HS6ST3: variants seen among roughly 807,000 people sequenced by gnomAD.
The protein encoded by HS6ST3 is heparan-sulfate 6-O-sulfotransferase 3.
HS6ST3 carries 12 observed loss-of-function variants against 36.7 expected under a neutral mutation model. That is an observed-to-expected ratio of 0.33 (90% CI 0.21 to 0.53). HS6ST3 has a LOEUF of 0.53. Among genes scored for constraint, HS6ST3 ranks in the 20% least tolerant of loss-of-function variants. HS6ST3 has a pLI of 0.95. For synonymous variants in HS6ST3, 240 were observed against 257.5 expected (o/e 0.93, Z 0.65); for missense variants, 584 against 640.9 (o/e 0.91, Z 0.96).
At chr13:96,738,590 T>G (rs1876348182) in intron 1 of HS6ST3, among the ~76,000 whole-genome samples, 1 of 152,078 alleles carries the variant, frequency 6.6e-6, no homozygotes, top group Admixed American at 6.6e-5. Flanking sequence ...AGCAGAACAT[T>G]TTTTCCTTTT....
At chr13:96,108,988 T>TCTATCTCTATCTCTATCC (rs1566883837) in intron 1 of HS6ST3, among the ~76,000 whole-genome samples, 1 of 152,098 alleles carries the variant, frequency 6.6e-6, no homozygotes, top group Non-Finnish European at 1.5e-5. Context: ...TATCTCTATC[T>TCTATCTCTATCTCTATCC]CTATCTCTAT....
intron 1 of HS6ST3, among the ~76,000 whole-genome samples, chr13:96,216,804 C>T (rs998881348): frequency 1.3e-5 from 2 of 152,130 alleles, no homozygotes; most frequent in Non-Finnish European, 2.9e-5. Flanking sequence ...CCACCATTTC[C>T]TATTTTCATT....
At chr13:96,204,599 A>G (rs1054543190) in intron 1 of HS6ST3, among the ~76,000 whole-genome samples, 2 of 152,214 alleles carry the variant, frequency 1.3e-5, no homozygotes, top group Non-Finnish European at 2.9e-5. Flanking sequence ...AATCGGAAAT[A>G]AAACACTCCT....
chr13:96,797,596 T>A (rs1454167641), intron 1 of HS6ST3, among the ~76,000 whole-genome samples: 1 of 152,076 alleles, frequency 6.6e-6, no homozygotes, highest in East Asian at 1.9e-4. Flanking sequence ...GGAAATCTAT[T>A]TGAGAATGAG....
rs1378399011 is a variant in HS6ST3 at position 96,417,588 on chromosome 13, A to ATGTGTG, written c.707+326020_707+326021insGTGTGT. On this transcript the variant is annotated intron_variant, in intron 1 of 1. Transcript: ENST00000376705. ...CATGGTGAAAAAAAATAGCATATAT[A>ATGTGTG]TATGTGTGTGTGTGTGTGTGTGTGT... 3.8e-3 allele frequency among the ~76,000 whole-genome samples: 301 copies of ATGTGTG among 80,004 alleles called. 2 individuals carry two copies. Among genetic ancestry groups the ATGTGTG allele is most frequent in the African/African-American group, 0.013 (264 of 20,732 alleles). The allele number at this position is 80,004 out of a possible 152,430, so 52.5% of individuals were successfully genotyped here. A position where few individuals can be genotyped will look rare whatever the true frequency, so the allele number is the denominator to read the frequency against.
intron 1 of HS6ST3, among the ~76,000 whole-genome samples, chr13:96,294,101 A>G (rs551473125): frequency 6.6e-6 from 1 of 152,036 alleles, no homozygotes; most frequent in Non-Finnish European, 1.5e-5. Flanking sequence ...TGTTATTGGC[A>G]TTTTTTCTTC....
At chr13:96,191,420 GTC>G (rs2054288035) in intron 1 of HS6ST3, among the ~76,000 whole-genome samples, 1 of 152,162 alleles carries the variant, frequency 6.6e-6, no homozygotes, top group South Asian at 2.1e-4. Flanking sequence ...ATGTATCACA[GTC>G]TCTCTCACTT....
intron 1 of HS6ST3, among the ~76,000 whole-genome samples, chr13:96,559,956 A>G (rs1035713387): frequency 6.6e-6 from 1 of 152,168 alleles, no homozygotes; most frequent in South Asian, 2.1e-4. Context: ...ATGACCATTC[A>G]TACAACTATA....
Position 96,658,268 on chromosome 13 carries a change from C to CTTTTTTTTTTTTTTTTTTTTTTTTTT in HS6ST3, c.708-174217_708-174192dup, listed in dbSNP as rs71213623. Among the ~76,000 whole-genome samples, 42 of 76,174 alleles carry CTTTTTTTTTTTTTTTTTTTTTTTTTT rather than the reference C, an allele frequency of 5.5e-4. 4 individuals are homozygous for CTTTTTTTTTTTTTTTTTTTTTTTTTT. The highest frequency in any genetic ancestry group is 1.7e-3 in the African/African-American group (32 of 18,518). 50.0% of individuals were successfully genotyped at this position (76,174 alleles called of 152,430 possible). A position where few individuals can be genotyped will look rare whatever the true frequency, so the allele number is the denominator to read the frequency against. On this transcript the variant is annotated intron_variant, in intron 1 of 1. Transcript: ENST00000376705. ...TTCTTCTTCTTCTTCTCTTCTTCTT[C>CTTTTTTTTTTTTTTTTTTTTTTTTTT]TTTTTTTTTTTTTTTTTTTTTTTTT...
chr13:96,494,909 T>C (rs755729054), intron 1 of HS6ST3, among the ~76,000 whole-genome samples: 2 of 152,194 alleles, frequency 1.3e-5, no homozygotes, highest in Non-Finnish European at 2.9e-5. Flanking sequence ...TAAGGAAATA[T>C]AGCAATATGA....
intron 1 of HS6ST3, among the ~76,000 whole-genome samples, chr13:96,250,931 A>T (rs1161392937): frequency 6.6e-6 from 1 of 152,166 alleles, no homozygotes; most frequent in Non-Finnish European, 1.5e-5. Context: ...CCCAGGGATA[A>T]ATCTCACTTG....
At chr13:96,705,611 G>A (rs1566434417) in intron 1 of HS6ST3, among the ~76,000 whole-genome samples, 1 of 152,146 alleles carries the variant, frequency 6.6e-6, no homozygotes, top group Non-Finnish European at 1.5e-5. Flanking sequence ...AAACTTGAAG[G>A]TGGGTTACTT....
chr13:96,346,356 T>C (rs532990652), intron 1 of HS6ST3, among the ~76,000 whole-genome samples: 7 of 152,162 alleles, frequency 4.6e-5, no homozygotes, highest in South Asian at 4.2e-4. Flanking sequence ...GGGCGGATCA[T>C]GAGATCAGGA....
intron 1 of HS6ST3, among the ~76,000 whole-genome samples, chr13:96,733,731 G>A: frequency 6.6e-6 from 1 of 152,122 alleles, no homozygotes. Flanking sequence ...AATGAGCTGG[G>A]GAAACTCTTG....
At chr13:96,181,692 C>T (rs2054240740) in intron 1 of HS6ST3, among the ~76,000 whole-genome samples, 2 of 152,172 alleles carry the variant, frequency 1.3e-5, no homozygotes, top group Admixed American at 6.5e-5. Flanking sequence ...AACTCTGTGA[C>T]TGCCCAACAT....
chr13:96,633,427 G>C (rs1427129830), intron 1 of HS6ST3, among the ~76,000 whole-genome samples: 1 of 152,174 alleles, frequency 6.6e-6, no homozygotes, highest in Non-Finnish European at 1.5e-5. Context: ...AGGTATTAGA[G>C]AGTGAAAACC....
At chr13:96,208,693 G>A (rs1049818805) in intron 1 of HS6ST3, among the ~76,000 whole-genome samples, 4 of 152,100 alleles carry the variant, frequency 2.6e-5, no homozygotes, top group African/African-American at 4.8e-5. Flanking sequence ...TTATTTGATG[G>A]TTTATCCGAA....
intron 1 of HS6ST3, among the ~76,000 whole-genome samples, chr13:96,167,371 A>T (rs1199028370): frequency 6.6e-6 from 1 of 152,176 alleles, no homozygotes; most frequent in Non-Finnish European, 1.5e-5. Context: ...TTATTTCTCC[A>T]CAGCAATCAT....
intron 1 of HS6ST3, among the ~76,000 whole-genome samples, chr13:96,629,735 T>C (rs1450049909): frequency 6.6e-6 from 1 of 152,222 alleles, no homozygotes; most frequent in Non-Finnish European, 1.5e-5. Context: ...TTAGTTACCT[T>C]GGAAGCCATT....
Sources: allele counts gnomAD v4.1 joint callset (sites outside exome capture counted in the v4.1 genomes callset), GRCh38; gene constraint gnomAD v4.1.1; transcripts MANE v1.5; gene names NCBI Gene and HGNC (gene_info 2026-07-23, HGNC 2026-07-21).